Variants in PRSS12 observed in about 807,000 individuals in gnomAD.
PRSS12 encodes neurotrypsin.
In PRSS12, 85 loss-of-function variants were observed where a neutral mutation model predicts 104.4. The ratio of observed to expected loss-of-function variants is 0.81; its 90% CI spans 0.68 to 0.98. The LOEUF is 0.98. Ranked by LOEUF, PRSS12 falls within the 50% of genes least tolerant of loss-of-function variation. PRSS12 has a pLI of 0.00. For missense variants in PRSS12, 1,141 were observed against 1,139.2 expected (o/e 1.00, Z -0.02); for synonymous variants, 454 against 425.2 (o/e 1.07, Z -0.83).
intron 3 of PRSS12, among the ~76,000 whole-genome samples, chr4:118,333,961 C>T (rs1465555079): frequency 6.6e-6 from 1 of 152,086 alleles, no homozygotes. Context: ...TAGATTGCTG[C>T]TATTTTTTGT....
chr4:118,317,185 G>A (rs1051872434), intron 5 of PRSS12, among the ~76,000 whole-genome samples: 4 of 151,982 alleles, frequency 2.6e-5, no homozygotes, highest in South Asian at 4.2e-4. Flanking sequence ...GATATGTCTC[G>A]CCTTTGTTCT....
At chr4:118,306,109 T>A (rs150695792) in intron 8 of PRSS12, 1 of 152,186 alleles carries the variant, frequency 6.6e-6, no homozygotes. Flanking sequence ...AGTTCTACTT[T>A]TAACTTTTTG....
chr4:118,304,527 A>G (rs1305463308), intron 8 of PRSS12, among the ~76,000 whole-genome samples: 2 of 152,012 alleles, frequency 1.3e-5, no homozygotes, highest in Non-Finnish European at 2.9e-5. Context: ...GTGAGAATAT[A>G]CAATTTTTAA....
chr4:118,305,138 T>A (rs191214628), intron 8 of PRSS12, among the ~76,000 whole-genome samples: 1 of 148,618 alleles, frequency 6.7e-6, no homozygotes, highest in African/African-American at 2.5e-5. Context: ...CACACACACA[T>A]ATATATATAT....
At chr4:118,317,460 T>C (rs1451084546) in intron 5 of PRSS12, among the ~76,000 whole-genome samples, 1 of 152,194 alleles carries the variant, frequency 6.6e-6, no homozygotes, top group African/African-American at 2.4e-5. Flanking sequence ...CTTTTATTAA[T>C]ATAATATTTT....
chr4:118,335,585 A>G lies in PRSS12; in HGVS notation c.708T>C (p.Asn236=). 1.9e-6 allele frequency: 3 copies of G among 1,614,132 alleles called. No individual in the cohort carries two copies. Among genetic ancestry groups the G allele is most frequent in the Non-Finnish European group, 2.5e-6 (3 of 1,179,980 alleles). Residue 236 remains asparagine (N), a synonymous_variant, in exon 3 of 13, where the codon AAT becomes AAC. Transcript: ENST00000296498. ...GLGLIPIYWS[N]VRCRGDEENI... ...TTTCTTCATCTCCTCGGCAACGGAC[A>G]TTGCTCCAATAAATGGGAATAAGGC...
In PRSS12 at chr4:118,352,349, T is replaced by G; in HGVS notation, c.372A>C (p.Pro124=). 2 of 1,574,736 alleles carry G rather than the reference T, an allele frequency of 1.3e-6. No individual in the cohort carries two copies. The highest frequency in any genetic ancestry group is 1.7e-6 in the Non-Finnish European group (2 of 1,165,762). ...GTCCTCGCAGCTGAGCCCAGCTCGCTGGGGGCGACCGCTCCAGGAAGGGTG... is the reference window on the plus strand; with the variant it reads ...GTCCTCGCAGCTGAGCCCAGCTCGCGGGGGGCGACCGCTCCAGGAAGGGTG... ...EVPPFLERSP[P]ASWAQLRGQR... is the part of the protein sequence containing the mutation. The change falls in exon 1 of 13, where the codon CCA becomes CCC. Residue 124 remains proline (P), a synonymous_variant. Transcript: ENST00000296498.
rs768643733 is a variant in PRSS12, at chr4:118,308,483, T to C, written c.1584A>G (p.Gly528=). 2.5e-6 allele frequency: 4 copies of C among 1,614,002 alleles called. No homozygotes were observed. The highest frequency in any genetic ancestry group is 1.7e-5 in the Admixed American group (1 of 60,008). The part of the protein sequence containing the change: ...NGQWGTICDD[G]WTDKDAAVIC... Reference sequence around the variant, plus strand: ...TCACAGCTGCATCCTTATCAGTCCATCCATCATCACAGATTGTTCCCCACT... The same window carrying C: ...TCACAGCTGCATCCTTATCAGTCCACCCATCATCACAGATTGTTCCCCACT... The change falls in exon 8 of 13, where the codon GGA becomes GGG. Residue 528 remains glycine, a synonymous_variant. Transcript: ENST00000296498.
At chr4:118,295,721 C>G in intron 10 of PRSS12, 57 bp downstream of exon 10, 4 of 1,477,782 alleles carry the variant, frequency 2.7e-6, no homozygotes, top group Non-Finnish European at 3.8e-6. Context: ...GTTTGTAACA[C>G]TCTATGTATA....
Position 118,325,221 on chromosome 4 carries a change from G to A in PRSS12, c.971+6495C>T, listed in dbSNP as rs1042818708. On this transcript the variant is annotated intron_variant, in intron 4 of 12. Coordinates refer to ENST00000296498, the MANE Select transcript of PRSS12 (RefSeq NM_003619.4). The stretch of plus-strand genomic sequence containing the variant: ...CATGGACATAAATGTGAGAGCAACA[G>A]ACACTGCAGGCTACTGCGGGATGAG... Among the ~76,000 whole-genome samples the A allele has an allele frequency of 4.6e-5, 7 of 151,552 alleles. No homozygotes were observed. The East Asian group carries it at 1.4e-3, about 29-fold the overall frequency.
intron 7 of PRSS12, among the ~76,000 whole-genome samples, 171 bp from the exon 8 acceptor site, chr4:118,308,748 T>C (rs1743625066): frequency 1.3e-5 from 2 of 152,228 alleles, no homozygotes; most frequent in African/African-American, 2.4e-5. Context: ...CACTTTTGTA[T>C]GTCTCTTGCA....
At position 118,291,197 on chromosome 4, in the gene PRSS12, A is replaced by C. The variant is rs115129141; in HGVS notation, c.2039+3742T>G. ...CCACTACCTAGTAAATGAAAGAGGAATCCATAACCCTGGCATCCCAGGCCA... is the reference window on the plus strand; with the variant it reads ...CCACTACCTAGTAAATGAAAGAGGACTCCATAACCCTGGCATCCCAGGCCA... On this transcript the variant is annotated intron_variant, in intron 11 of 12. Transcript: ENST00000296498. 8.1e-3 allele frequency among the ~76,000 whole-genome samples: 1,231 copies of C among 152,252 alleles called. 18 individuals are homozygous for C. Among genetic ancestry groups the C allele is most frequent in the African/African-American group, 0.028 (1,174 of 41,550 alleles).
At chr4:118,320,555 C>T (rs890126951) in intron 4 of PRSS12, among the ~76,000 whole-genome samples, 2 of 152,080 alleles carry the variant, frequency 1.3e-5, no homozygotes, top group Non-Finnish European at 2.9e-5. Flanking sequence ...AGTTTGAGAT[C>T]AACCTGGGCA....
chr4:118,318,693 G>GT, intron 4 of PRSS12, 137 bp from the exon 5 acceptor site: 1 of 906,812 alleles, frequency 1.1e-6, no homozygotes, highest in South Asian at 1.6e-5. Flanking sequence ...ATGACTTTCT[G>GT]TATTTCTTTT....
At chr4:118,299,813 A>AAAATAAAATAAAATAAAATAAAAT (rs1560768532) in intron 8 of PRSS12, among the ~76,000 whole-genome samples, 1 of 95,074 alleles carries the variant, frequency 1.1e-5, no homozygotes, top group Non-Finnish European at 2.2e-5. Flanking sequence ...TAAAATAAAT[A>AAAATAAAATAAAATAAAATAAAAT]AAATAAAATA....
chr4:118,346,306 A>T (rs1301053065), intron 1 of PRSS12, among the ~76,000 whole-genome samples: 3 of 152,006 alleles, frequency 2.0e-5, no homozygotes, highest in East Asian at 1.9e-4. Context: ...AAACCACCCA[A>T]ATTGATTCAA....
intron 1 of PRSS12, among the ~76,000 whole-genome samples, chr4:118,342,558 G>A (rs1353389619): frequency 6.6e-6 from 1 of 152,062 alleles, no homozygotes; most frequent in Non-Finnish European, 1.5e-5. Context: ...AAAGTCTCAA[G>A]CAGAGGTTTT....
intron 11 of PRSS12, among the ~76,000 whole-genome samples, chr4:118,287,383 C>T (rs924398307): frequency 2.0e-5 from 3 of 152,184 alleles, no homozygotes; most frequent in Admixed American, 6.5e-5. Flanking sequence ...CTCCTGGGCT[C>T]AAGCGATCTG....
chr4:118,297,640 T>C (rs1743284886), intron 9 of PRSS12, among the ~76,000 whole-genome samples: 1 of 152,114 alleles, frequency 6.6e-6, no homozygotes, highest in South Asian at 2.1e-4. Flanking sequence ...TCCAATTCAC[T>C]TATTGCATTG....
Sources: allele counts gnomAD v4.1 joint callset (sites outside exome capture counted in the v4.1 genomes callset), GRCh38; gene constraint gnomAD v4.1.1; transcripts MANE v1.5; gene names NCBI Gene and HGNC (gene_info 2026-07-23, HGNC 2026-07-21).